MPHOSPH9: variants seen among roughly 807,000 people sequenced by gnomAD.
MPHOSPH9 encodes the protein M-phase phosphoprotein 9.
Under a neutral mutation model 145.5 loss-of-function variants are expected in MPHOSPH9, and 88 were observed. The observed-to-expected ratio is 0.60, with a 90% CI of 0.51 to 0.72. The LOEUF is 0.72. Among genes scored for constraint, MPHOSPH9 ranks in the 30% least tolerant of loss-of-function variants. MPHOSPH9 has a pLI of 0.00. For synonymous variants in MPHOSPH9, 435 were observed against 486.2 expected, an observed-to-expected ratio of 0.89 and a Z score of 1.39; for missense variants, 1,238 against 1,386.6, an observed-to-expected ratio of 0.89 and a Z score of 1.70.
Position 123,202,291 on chromosome 12 carries a change from C to A in MPHOSPH9, c.1810G>T (p.Ala604Ser). 1 of 1,607,786 alleles carries A rather than the reference C, an allele frequency of 6.2e-7. No homozygotes were observed. The highest frequency in any genetic ancestry group is 2.2e-5 in the East Asian group (1 of 44,760). The change falls in exon 11 of 24, where the codon GCT (alanine) becomes TCT (serine). Residue 604 changes from alanine (A) to serine (S), a missense_variant. Coordinates refer to ENST00000606320, the MANE Select transcript of MPHOSPH9 (RefSeq NM_022782.4). Reference sequence around the variant, plus strand: ...GCTCGAAGATCTGCTATGTGTCGAGCATGCTTTTCCTTCAGATTCTGCCTA... The same window carrying A: ...GCTCGAAGATCTGCTATGTGTCGAGAATGCTTTTCCTTCAGATTCTGCCTA... ...KIRQNLKEKH[A>S]RHIADLRAYY...
rs2044104293 is a variant in MPHOSPH9, at chr12:123,161,468, AC to A, written c.3134-86del. The A allele has an allele frequency of 2.7e-6, 4 of 1,458,434 alleles. No homozygotes were observed. In the South Asian group the frequency reaches 5.0e-5, roughly 18 times the overall value. 90.3% of individuals were successfully genotyped at this position (1,458,434 alleles called of 1,614,324 possible). On this transcript the variant is annotated intron_variant, in intron 21 of 23. Transcript: ENST00000606320. Reference sequence around the variant, plus strand: ...TATATTAAATATGTTGCCCAATTTCACTTTCTGGATATAGCTGCTATGTGGC... The same window carrying A: ...TATATTAAATATGTTGCCCAATTTCATTTCTGGATATAGCTGCTATGTGGC...
At chr12:123,175,292 A>C (rs1385048997) in intron 16 of MPHOSPH9, among the ~76,000 whole-genome samples, 1 of 151,978 alleles carries the variant, frequency 6.6e-6, no homozygotes, top group Non-Finnish European at 1.5e-5. Flanking sequence ...CTGGGACTAC[A>C]GGCGCCAGCC....
At chr12:123,224,091 T>A (rs1022053769) in intron 3 of MPHOSPH9, among the ~76,000 whole-genome samples, 1 of 148,584 alleles carries the variant, frequency 6.7e-6, no homozygotes, top group East Asian at 2.0e-4. Flanking sequence ...TGTGTCACCA[T>A]GTTCGGCTAA....
At chr12:123,192,196 G>A (rs144974730) in intron 13 of MPHOSPH9, among the ~76,000 whole-genome samples, 227 of 152,274 alleles carry the variant, frequency 1.5e-3, no homozygotes, top group Middle Eastern at 3.4e-3. Flanking sequence ...TGTAATCCCT[G>A]TAATCCCTGC....
intron 7 of MPHOSPH9, among the ~76,000 whole-genome samples, chr12:123,211,818 C>G (rs1481182752): frequency 1.3e-5 from 2 of 150,308 alleles, no homozygotes; most frequent in African/African-American, 4.9e-5. Flanking sequence ...TTCAGCCTCC[C>G]AAGTAGCTGG....
At chr12:123,181,566 A>AC (rs963601697) in intron 13 of MPHOSPH9, among the ~76,000 whole-genome samples, 47 of 151,560 alleles carry the variant, frequency 3.1e-4, no homozygotes, top group African/African-American at 1.1e-3. Flanking sequence ...AAAAACAAAA[A>AC]AAAAACAAAA....
intron 5 of MPHOSPH9, 57 bp downstream of exon 5, chr12:123,221,315 G>A (rs2047192203): frequency 1.5e-6 from 2 of 1,337,576 alleles, no homozygotes; most frequent in Non-Finnish European, 2.0e-6. Context: ...TGCATTAAAA[G>A]GAACACTAGA....
rs575476291 is a variant in MPHOSPH9 at position 123,181,078 on chromosome 12, G to A, written c.2289+85C>T. The A allele has an allele frequency of 1.4e-5, 17 of 1,257,348 alleles. No homozygotes were observed. The East Asian group carries it at 3.3e-4, about 24-fold the overall frequency. The allele number at this position is 1,257,348 out of a possible 1,614,324, so 77.9% of individuals were successfully genotyped here. ...TACGGAGGTTCAGGAAGGGGTGCAA[G>A]GAGGAGAAGAGTCAGATCCCTTGAT... is the stretch of plus-strand genomic sequence containing the variant. On this transcript the variant is annotated intron_variant, in intron 14 of 23. Transcript: ENST00000606320.
At chr12:123,163,854 C>T in intron 19 of MPHOSPH9, 96 bp downstream of exon 19, 14 of 1,483,898 alleles carry the variant, frequency 9.4e-6, no homozygotes, top group Non-Finnish European at 1.3e-5. Context: ...GCTGAGGATA[C>T]AAGAGAAACC....
intron 7 of MPHOSPH9, among the ~76,000 whole-genome samples, chr12:123,210,376 A>T (rs2046649487): frequency 6.6e-6 from 1 of 152,186 alleles, no homozygotes; most frequent in African/African-American, 2.4e-5. Context: ...ATAAAAAGTC[A>T]AGATGAGTTG....
rs148859875 is a variant in MPHOSPH9, at chr12:123,188,039, T to C, written c.2241+6347A>G. 3.1e-3 allele frequency among the ~76,000 whole-genome samples: 477 copies of C among 152,162 alleles called. 1 individual carries two copies. Among genetic ancestry groups the C allele is most frequent in the African/African-American group, 0.011 (462 of 41,522 alleles). ...CTATTCAGGAGGTTGAGGCAAGAGA[T>C]TGCTTGAAGCCGGGAGGCAGAGGTT... is the stretch of plus-strand genomic sequence containing the variant. On this transcript the variant is annotated intron_variant, in intron 13 of 23. Transcript: ENST00000606320.
rs747357659 is a variant in MPHOSPH9, at chr12:123,218,428, C to T, written c.944G>A (p.Gly315Asp). ...CTCATTTCCTTGTTTAGATCTTGAA[C>T]CTCCATCTTCTACATGTGCTCTCTT... ...QPKRAHVEDGGSRSKQGNEQS... is the reference protein window; with the variant it reads ...QPKRAHVEDGDSRSKQGNEQS... The change falls in exon 6 of 24, where the codon GGT becomes GAT. Residue 315 changes from glycine to aspartate, a missense_variant. Gly to Asp is a moderately conservative substitution (Grantham distance 94). Coordinates refer to ENST00000606320, the MANE Select transcript of MPHOSPH9 (RefSeq NM_022782.4). The T allele has an allele frequency of 1.9e-6, 3 of 1,614,032 alleles. No homozygotes were observed. Among genetic ancestry groups the T allele is most frequent in the East Asian group, 4.5e-5 (2 of 44,874 alleles).
chr12:123,161,393 AG>A lies in MPHOSPH9; in HGVS notation c.3134-11del, dbSNP rs779350999. ...TCAGAATAAGTTTTTTCTGTCAGAGAGGAGAGAAATTGCTTATATTTCTTAT... is the reference window on the plus strand; with the variant it reads ...TCAGAATAAGTTTTTTCTGTCAGAGAGAGAGAAATTGCTTATATTTCTTAT... On this transcript the variant is annotated splice_polypyrimidine_tract_variant and intron_variant, in intron 21 of 23. Transcript: ENST00000606320. 2 of 1,613,414 alleles carry A rather than the reference AG, an allele frequency of 1.2e-6. No homozygotes were observed. The highest frequency in any genetic ancestry group is 1.7e-6 in the Non-Finnish European group (2 of 1,179,642).
In MPHOSPH9 at chr12:123,202,017, G is replaced by A. The variant is rs1467326096; in HGVS notation, c.1937+147C>T. 11 of 818,996 alleles carry A rather than the reference G, an allele frequency of 1.3e-5. No homozygotes were observed. The East Asian group carries it at 2.7e-4, about 20-fold the overall frequency. The allele number at this position is 818,996 out of a possible 1,614,324, so 50.7% of individuals were successfully genotyped here. On this transcript the variant is annotated intron_variant, in intron 11 of 23. Transcript: ENST00000606320. Reference sequence around the variant, plus strand: ...TCAGTTATTAGTGTATTATAAGAGGGGGGTTTAGCTTCAAAAATACTTAGG... The same window carrying A: ...TCAGTTATTAGTGTATTATAAGAGGAGGGTTTAGCTTCAAAAATACTTAGG...
chr12:123,173,664 G>A (rs1233778009), intron 16 of MPHOSPH9, among the ~76,000 whole-genome samples: 1 of 152,196 alleles, frequency 6.6e-6, no homozygotes, highest in African/African-American at 2.4e-5. Flanking sequence ...CAGGGCTCCA[G>A]AGCTTCTGGA....
intron 6 of MPHOSPH9, among the ~76,000 whole-genome samples, chr12:123,217,595 A>G (rs186377333): frequency 1.5e-3 from 235 of 152,340 alleles, no homozygotes; most frequent in African/African-American, 5.1e-3. Context: ...TCTCTGGCTA[A>G]ATGTAAACAT....
chr12:123,184,418 T>C, intron 13 of MPHOSPH9, among the ~76,000 whole-genome samples: 1 of 151,924 alleles, frequency 6.6e-6, no homozygotes, highest in East Asian at 1.9e-4. Context: ...CGCCTGAAAA[T>C]GAAGGCTACC....
At chr12:123,239,421 T>G (rs908315264) in intron 1 of MPHOSPH9, among the ~76,000 whole-genome samples, 2 of 152,108 alleles carry the variant, frequency 1.3e-5, no homozygotes, top group African/African-American at 4.8e-5. Context: ...TTTGTTTTTT[T>G]GAGACAGAGT....
chr12:123,214,286 C>T (rs2046867857), intron 7 of MPHOSPH9, among the ~76,000 whole-genome samples: 1 of 152,108 alleles, frequency 6.6e-6, no homozygotes, highest in Non-Finnish European at 1.5e-5. Flanking sequence ...AGCCTGTAAT[C>T]CCAGCACTTT....
Sources: allele counts gnomAD v4.1 joint callset (sites outside exome capture counted in the v4.1 genomes callset), GRCh38; gene constraint gnomAD v4.1.1; transcripts MANE v1.5; gene names NCBI Gene and HGNC (gene_info 2026-07-23, HGNC 2026-07-21).